OPRM1: variants seen among roughly 807,000 people sequenced by gnomAD.
The protein encoded by OPRM1 is opioid receptor mu 1.
Under a neutral mutation model 31.8 loss-of-function variants are expected in OPRM1, and 27 were observed. The ratio of observed to expected loss-of-function variants is 0.85; its 90% CI spans 0.63 to 1.17. OPRM1 has a LOEUF of 1.17. Among genes scored for constraint, OPRM1 ranks in the 50% most tolerant of loss-of-function variants. The pLI is 0.00. For missense variants in OPRM1, 536 were observed against 511.1 expected (o/e 1.05, Z -0.47); for synonymous variants, 196 against 189.9 (o/e 1.03, Z -0.26).
Position 154,039,443 on chromosome 6 carries a change from C to G in OPRM1, c.-102C>G. 6.4e-7 allele frequency: 1 copy of G among 1,551,866 alleles called. No homozygotes were observed. The highest frequency in any genetic ancestry group is 1.2e-5 in the South Asian group (1 of 84,056). On this transcript the variant is annotated 5_prime_UTR_variant, in exon 1 of 4. Coordinates refer to ENST00000330432, the MANE Select transcript of OPRM1 (RefSeq NM_000914.5). ...TGGTTTCTGTAAGAAACAGCAGGAGCTGTGGCAGCGGCGAAAGGAAGCGGC... is the reference window on the plus strand; with the variant it reads ...TGGTTTCTGTAAGAAACAGCAGGAGGTGTGGCAGCGGCGAAAGGAAGCGGC...
At chr6:154,093,349 C>G in intron 3 of OPRM1, 1 of 1,614,162 alleles carries the variant, frequency 6.2e-7, no homozygotes, top group South Asian at 1.1e-5. Flanking sequence ...CTGCAAGGAC[C>G]TCTTGTCAGA....
intron 1 of OPRM1, among the ~76,000 whole-genome samples, chr6:154,064,187 G>T (rs1784921396): frequency 6.6e-6 from 1 of 152,062 alleles, no homozygotes; most frequent in Non-Finnish European, 1.5e-5. Context: ...ATGTGAGGAG[G>T]TGTCTCACTG....
intron 3 of OPRM1, among the ~76,000 whole-genome samples, chr6:154,244,432 T>C (rs1283902305): frequency 1.3e-5 from 2 of 152,092 alleles, no homozygotes; most frequent in African/African-American, 4.8e-5. Flanking sequence ...CCTAGCCAGA[T>C]AGCGGCAAGC....
At chr6:154,132,828 TAAG>T (rs1797958363), downstream of OPRM1, among the ~76,000 whole-genome samples, 1 of 152,072 alleles carries the variant, frequency 6.6e-6, no homozygotes, top group Non-Finnish European at 1.5e-5. Context: ...CACTTTATGG[TAAG>T]AAAAAAACGG....
At position 154,121,199 on chromosome 6, in the gene OPRM1, A is replaced by G. The variant is rs1393041773; in HGVS notation, c.*2478A>G. Among the ~76,000 whole-genome samples, 1 of 152,158 alleles carries G rather than the reference A, an allele frequency of 6.6e-6. No homozygotes were observed. The highest frequency in any genetic ancestry group is 2.4e-5 in the African/African-American group (1 of 41,446). On this transcript the variant is annotated 3_prime_UTR_variant, in exon 4 of 4. Transcript: ENST00000330432. ...TCCCAGGTTGGTATCCCAGAAATGC[A>G]GACTGTAGCTATGGGGCGGAAGCTT...
At chr6:154,053,062 T>C (rs959034144) in intron 1 of OPRM1, among the ~76,000 whole-genome samples, 2 of 152,224 alleles carry the variant, frequency 1.3e-5, no homozygotes, top group African/African-American at 2.4e-5. Context: ...ACCCTTTATT[T>C]GACTCAGACA....
upstream of OPRM1, among the ~76,000 whole-genome samples, chr6:154,035,308 A>G (rs1779239379): frequency 6.6e-6 from 1 of 151,898 alleles, no homozygotes. Flanking sequence ...TTTTGCTTTC[A>G]TTTACTTATT....
At chr6:154,093,486 C>A in intron 3 of OPRM1, 5 of 1,609,536 alleles carry the variant, frequency 3.1e-6, no homozygotes, top group Non-Finnish European at 4.2e-6. Flanking sequence ...GCCCTTGACT[C>A]CCTTCCAAAT....
At position 154,127,480 on chromosome 6, in the gene OPRM1, C is replaced by G. The variant is rs1442171688; in HGVS notation, c.*8759C>G. Among the ~76,000 whole-genome samples, 1 of 152,092 alleles carries G rather than the reference C, an allele frequency of 6.6e-6. No homozygotes were observed. The highest frequency in any genetic ancestry group is 1.5e-5 in the Non-Finnish European group (1 of 68,026). On this transcript the variant is annotated 3_prime_UTR_variant, in exon 4 of 4. Coordinates refer to ENST00000330432, the MANE Select transcript of OPRM1 (RefSeq NM_000914.5). ...TGTTTGTTGTGTTTAAGACGTTTTA[C>G]TTGTCCCTGAAATGTTTGTCATCAC...
At chr6:154,173,817 G>A (rs1800071289) in intron 3 of OPRM1, among the ~76,000 whole-genome samples, 1 of 152,152 alleles carries the variant, frequency 6.6e-6, no homozygotes, top group Admixed American at 6.5e-5. Flanking sequence ...AGGAAATACA[G>A]AGAACGCCAC....
intron 3 of OPRM1, among the ~76,000 whole-genome samples, chr6:154,100,138 T>G (rs1794514212): frequency 1.0e-5 from 1 of 99,960 alleles, no homozygotes; most frequent in Admixed American, 1.2e-4. Flanking sequence ...TGACATATAA[T>G]ATATATTATC....
chr6:154,019,011 T>C (rs1212938874), intron 1 of OPRM1, among the ~76,000 whole-genome samples: 1 of 152,158 alleles, frequency 6.6e-6, no homozygotes, highest in African/African-American at 2.4e-5. Flanking sequence ...ACTTATAGGG[T>C]ACATGGTATG....
intron 1 of OPRM1, among the ~76,000 whole-genome samples, chr6:154,075,177 A>G (rs1787598940): frequency 6.6e-6 from 1 of 152,222 alleles, no homozygotes; most frequent in South Asian, 2.1e-4. Context: ...GAATAGAGTA[A>G]CATTTTCAAA....
intron 3 of OPRM1, among the ~76,000 whole-genome samples, chr6:154,180,652 T>C (rs1015709116): frequency 5.3e-5 from 8 of 152,102 alleles, no homozygotes; most frequent in Non-Finnish European, 1.0e-4. Context: ...TTAAATGCTA[T>C]ATTTTCAACT....
Position 154,128,958 on chromosome 6 carries a change from G to A in OPRM1, c.*10237G>A, listed in dbSNP as rs2128532048. On this transcript the variant is annotated 3_prime_UTR_variant, in exon 4 of 4. Transcript: ENST00000330432. ...TCTATTATGTCAAAAGAGAATAGGA[G>A]TTTTAACTTATATCTGTGTTTTATT... Among the ~76,000 whole-genome samples the A allele has an allele frequency of 6.6e-6, 1 of 152,282 alleles. No homozygotes were observed. The highest frequency in any genetic ancestry group is 2.1e-4 in the South Asian group (1 of 4,822).
At chr6:154,233,299 C>T (rs962833712) in intron 3 of OPRM1, among the ~76,000 whole-genome samples, 1 of 152,120 alleles carries the variant, frequency 6.6e-6, no homozygotes, top group Non-Finnish European at 1.5e-5. Flanking sequence ...TTCTGTGTCT[C>T]GGCTCTCCTC....
At chr6:154,209,728 C>A (rs898331013) in intron 3 of OPRM1, among the ~76,000 whole-genome samples, 1 of 151,714 alleles carries the variant, frequency 6.6e-6, no homozygotes, top group Admixed American at 6.6e-5. Flanking sequence ...TAACCAAGTG[C>A]CTTCCATGTC....
Position 154,145,902 on chromosome 6 carries a change from G to A in OPRM1, c.1164+54430G>A, listed in dbSNP as rs565567124. On this transcript the variant is annotated intron_variant, in intron 3 of 3. Coordinates refer to the OPRM1 transcript ENST00000337049. ...GAAGATAAAAGTGTTTTCAACAAAT[G>A]GTGCTGGAGCAATTGGACATCCATA... 2.3e-4 allele frequency among the ~76,000 whole-genome samples: 35 copies of A among 152,272 alleles called. 2 individuals are homozygous for A. The South Asian group carries it at 6.4e-3, about 28-fold the overall frequency.
At position 154,168,180 on chromosome 6, in the gene OPRM1, A is replaced by G. The variant is rs1182549744; in HGVS notation, c.1164+76708A>G. 4 of 1,240,592 alleles carry G rather than the reference A, an allele frequency of 3.2e-6. No individual in the cohort carries two copies. Among genetic ancestry groups the G allele is most frequent in the African/African-American group, 1.5e-5 (1 of 66,790 alleles). The allele number at this position is 1,240,592 out of a possible 1,614,324, so 76.8% of individuals were successfully genotyped here. ...TGAAAAATCAAGGAGAGAACATTCA[A>G]TACTGTGGTCCCAAGGCACGGCCCC... On this transcript the variant is annotated intron_variant, in intron 3 of 3. Coordinates refer to the OPRM1 transcript ENST00000337049. The surrounding 1 kb of genome is among the most constrained non-coding windows in gnomAD (Gnocchi z 4.1).
Sources: gnomAD v4.1 joint callset for allele counts (sites outside exome capture counted in the v4.1 genomes callset) on GRCh38, gnomAD v4.1.1 for gene constraint, Gnocchi (gnomAD v3.1) non-coding constraint, MANE v1.5 for transcripts, NCBI Gene and HGNC (gene_info 2026-07-23, HGNC 2026-07-21) for gene names.